The following ESYT2 variants were observed in gnomAD, a reference collection of about 807,000 sequenced individuals.
ESYT2 encodes extended synaptotagmin-2.
In ESYT2, 54 loss-of-function variants were observed where a neutral mutation model predicts 107.2. The observed-to-expected ratio is 0.50, with a 90% CI of 0.40 to 0.63. The LOEUF (loss-of-function observed/expected upper bound fraction) is 0.63, where lower values mean the gene tolerates loss of function less well. Ranked by LOEUF, ESYT2 falls within the 30% of genes least tolerant of loss-of-function variation. The pLI is 0.00. For missense variants in ESYT2, 1,020 were observed against 1,094.5 expected, an observed-to-expected ratio of 0.93 and a Z score of 0.96; for synonymous variants, 491 against 434.1, an observed-to-expected ratio of 1.13 and a Z score of -1.63.
chr7:158,782,556 C>A (rs572389162), intron 6 of ESYT2, among the ~76,000 whole-genome samples: 1 of 130,110 alleles, frequency 7.7e-6, no homozygotes, highest in Non-Finnish European at 1.7e-5. Context: ...TGAGAAGCAG[C>A]GGGAAAGTGG....
At position 158,788,325 on chromosome 7, in the gene ESYT2, CA is replaced by C; in HGVS notation, c.657+19del. 1 of 1,588,704 alleles carries C rather than the reference CA, an allele frequency of 6.3e-7. No individual in the cohort carries two copies. Among genetic ancestry groups the C allele is most frequent in the African/African-American group, 1.4e-5 (1 of 73,278 alleles). On this transcript the variant is annotated intron_variant, in intron 5 of 22. Transcript: ENST00000275418. ...ACTTTAGAAAACTGTCAAATTAAAA[CA>C]AAAAAACAAAAAACTTACCTGGATA...
intron 6 of ESYT2, among the ~76,000 whole-genome samples, chr7:158,775,749 C>T (rs760481361): frequency 3.9e-5 from 6 of 152,086 alleles, no homozygotes; most frequent in Admixed American, 1.3e-4. Flanking sequence ...TCAACTTTTT[C>T]CAAATTCCTG....
At position 158,793,700 on chromosome 7, in the gene ESYT2, T is replaced by C; in HGVS notation, c.534A>G (p.Val178=). The C allele has an allele frequency of 1.9e-6, 3 of 1,613,512 alleles. No individual in the cohort carries two copies. The highest frequency in any genetic ancestry group is 2.5e-6 in the Non-Finnish European group (3 of 1,179,810). ...GCCTTTTGTCTACATTTTCAGTGTA[T>C]ACCTTAACACCATTGATCCTGAGGG... ...QQPLRINGVK[V]YTENVDKRQI... Residue 178 remains valine (V), a synonymous_variant, in exon 4 of 23, where the codon GTA becomes GTG. Coordinates refer to ENST00000275418, the MANE Select transcript of ESYT2 (RefSeq NM_001367773.1).
At chr7:158,780,379 A>C (rs1838730935) in intron 6 of ESYT2, among the ~76,000 whole-genome samples, 1 of 152,210 alleles carries the variant, frequency 6.6e-6, no homozygotes, top group Non-Finnish European at 1.5e-5. Flanking sequence ...TAAGCATCAC[A>C]GCGAACATTT....
At chr7:158,753,047 T>C (rs912386066) in intron 13 of ESYT2, among the ~76,000 whole-genome samples, 1 of 152,230 alleles carries the variant, frequency 6.6e-6, no homozygotes, top group Non-Finnish European at 1.5e-5. Flanking sequence ...CTTTAATCTA[T>C]GCATATCAAA....
chr7:158,746,217 C>T (rs1446780035), intron 16 of ESYT2, among the ~76,000 whole-genome samples: 1 of 112,528 alleles, frequency 8.9e-6, no homozygotes, highest in Non-Finnish European at 1.8e-5. Context: ...CGCATCTTTA[C>T]ATACATAAAT....
intron 13 of ESYT2, among the ~76,000 whole-genome samples, chr7:158,753,314 C>G (rs1837642516): frequency 6.6e-6 from 1 of 152,224 alleles, no homozygotes; most frequent in African/African-American, 2.4e-5. Flanking sequence ...CCACCCAGCA[C>G]CCAGCAGAGG....
At chr7:158,769,917 A>T (rs923824290) in intron 7 of ESYT2, among the ~76,000 whole-genome samples, 38 of 151,944 alleles carry the variant, frequency 2.5e-4, no homozygotes, top group Middle Eastern at 3.4e-3. Context: ...TTATTTATTT[A>T]TTTTTTTAAT....
At position 158,793,671 on chromosome 7, in the gene ESYT2, A is replaced by G; in HGVS notation, c.563T>C (p.Ile188Thr). 1 of 1,613,152 alleles carries G rather than the reference A, an allele frequency of 6.2e-7. No homozygotes were observed. Among genetic ancestry groups the G allele is most frequent in the East Asian group, 2.2e-5 (1 of 44,862 alleles). Reference sequence around the variant, plus strand: ...TTACCTAATCTGAAGGTCCAAAATAATTTGCCTTTTGTCTACATTTTCAGT... The same window carrying G: ...TTACCTAATCTGAAGGTCCAAAATAGTTTGCCTTTTGTCTACATTTTCAGT... The part of the protein sequence containing the change: ...VYTENVDKRQ[I>T]ILDLQISFVG... Residue 188 changes from isoleucine (I) to threonine (T), a missense_variant, in exon 4 of 23, where the codon ATT (isoleucine) becomes ACT (threonine). Ile to Thr is a moderately conservative substitution (Grantham distance 89). Coordinates refer to ENST00000275418, the MANE Select transcript of ESYT2 (RefSeq NM_001367773.1).
chr7:158,753,701 G>C (rs1192571291), intron 13 of ESYT2, among the ~76,000 whole-genome samples: 2 of 149,610 alleles, frequency 1.3e-5, no homozygotes, highest in Non-Finnish European at 1.5e-5. Context: ...GGCCAGGAGA[G>C]AAGATGGAAC....
chr7:158,809,441 A>G (rs1483133532), intron 1 of ESYT2, among the ~76,000 whole-genome samples: 1 of 121,010 alleles, frequency 8.3e-6, no homozygotes, highest in African/African-American at 3.1e-5. Flanking sequence ...GCACCATTGC[A>G]CTCCAGCCTG....
chr7:158,770,662 C>A (rs1357500074), intron 7 of ESYT2, among the ~76,000 whole-genome samples: 7 of 152,006 alleles, frequency 4.6e-5, no homozygotes, highest in Non-Finnish European at 8.8e-5. Flanking sequence ...CTACAGGCGC[C>A]TGCCACCATG....
chr7:158,763,878 T>C (rs189161720), intron 9 of ESYT2, among the ~76,000 whole-genome samples: 26 of 152,252 alleles, frequency 1.7e-4, no homozygotes, highest in Non-Finnish European at 1.8e-4. Flanking sequence ...CCACGAGTTA[T>C]CTGCTTAGCA....
intron 21 of ESYT2, among the ~76,000 whole-genome samples, 180 bp from the exon 22 acceptor site, chr7:158,734,651 C>T (rs994281416): frequency 2.6e-5 from 4 of 152,174 alleles, no homozygotes; most frequent in South Asian, 2.1e-4. Context: ...TTTATCTGGG[C>T]GTGCTGACAC....
chr7:158,825,881 A>G (rs534348122), intron 1 of ESYT2, among the ~76,000 whole-genome samples: 1 of 152,252 alleles, frequency 6.6e-6, no homozygotes, highest in South Asian at 2.1e-4. Flanking sequence ...TGTATGGTAA[A>G]AATCAAGGTA....
intron 2 of ESYT2, among the ~76,000 whole-genome samples, chr7:158,798,646 C>CAAAAAAAA (rs57351086): frequency 0.012 from 590 of 49,880 alleles, 29 homozygotes; most frequent in Non-Finnish European, 0.015. Flanking sequence ...AGCTCCGTCT[C>CAAAAAAAA]AAAAAAAAAA....
In ESYT2 at chr7:158,829,317, G is replaced by C; in HGVS notation, c.102C>G (p.Pro34=). 2.7e-6 allele frequency: 4 copies of C among 1,498,812 alleles called. No homozygotes were observed. Among genetic ancestry groups the C allele is most frequent in the Non-Finnish European group, 1.8e-6 (2 of 1,132,376 alleles). The allele number at this position is 1,498,812 out of a possible 1,614,324, so 92.8% of individuals were successfully genotyped here. Residue 34 remains proline (P), a synonymous_variant, in exon 1 of 23, where the codon CCC becomes CCG. Transcript: ENST00000275418. ...NPGGVLSVEL[P]GLLAQLARSF... ...TCCGCGCCAGCTGCGCCAGCAGCCC[G>C]GGCAGCTCCACGCTCAGCACGCCCC...
chr7:158,801,722 A>G (rs1839653245), intron 1 of ESYT2, among the ~76,000 whole-genome samples: 1 of 152,232 alleles, frequency 6.6e-6, no homozygotes, highest in Non-Finnish European at 1.5e-5. Context: ...AACTAGAAAT[A>G]ATCATTGTAC....
At chr7:158,766,168 C>CA (rs974927908) in intron 8 of ESYT2, among the ~76,000 whole-genome samples, 1,499 of 141,982 alleles carry the variant, frequency 0.011, 18 homozygotes, top group African/African-American at 0.033. Context: ...GACTCCATCT[C>CA]AAAAAAAAAA....
Sources: gnomAD v4.1 joint callset for allele counts (sites outside exome capture counted in the v4.1 genomes callset) on GRCh38, gnomAD v4.1.1 for gene constraint, MANE v1.5 for transcripts, NCBI Gene and HGNC (gene_info 2026-07-23, HGNC 2026-07-21) for gene names.